Variants in WDR46 observed in about 807,000 individuals in gnomAD.
WDR46 encodes WD repeat-containing protein 46.
A neutral mutation model predicts 74.7 loss-of-function variants in WDR46; 58 were observed. That is an observed-to-expected ratio of 0.78 (90% CI 0.63 to 0.97). The LOEUF (loss-of-function observed/expected upper bound fraction) is 0.97, where lower values mean the gene tolerates loss of function less well. Ranked by LOEUF, WDR46 falls within the 50% of genes least tolerant of loss-of-function variation. The pLI, the probability that WDR46 is intolerant of heterozygous loss-of-function variation, is 0.00. For missense variants in WDR46, 702 were observed against 790.1 expected (o/e 0.89, Z 1.34); for synonymous variants, 278 against 297.3 (o/e 0.93, Z 0.67).
rs1298011607 is a variant in WDR46 at position 33,279,298 on chromosome 6, G to A, written c.1811C>T (p.Ala604Val). 3 of 1,614,112 alleles carry A rather than the reference G, an allele frequency of 1.9e-6. No homozygotes were observed. The highest frequency in any genetic ancestry group is 3.3e-5 in the Admixed American group (2 of 60,014). Residue 604 changes from alanine (A) to valine (V), a missense_variant, in exon 15 of 15, where the codon GCC (alanine) becomes GTC (valine). Ala to Val is a moderately conservative substitution (Grantham distance 64). Transcript: ENST00000374617. ...GGCTCAGCGCACAAATCTGTCCAGG[G>A]CAGATGGCCGGGCCCCCGTGGGCTT... Reference protein sequence around the residue: ...KAKPTGARPSALDRFVR With the variant: ...KAKPTGARPSVLDRFVR
chr6:33,287,241 C>G lies in WDR46; in HGVS notation c.880-15G>C. On this transcript the variant is annotated splice_polypyrimidine_tract_variant and intron_variant, in intron 8 of 14. Transcript: ENST00000374617. ...CCTGTTTCTGACTGAGAGAGAAAGA[C>G]AGAGAGAATGACCCAGTCCTGATTG... The G allele has an allele frequency of 6.2e-7, 1 of 1,613,464 alleles. No individual in the cohort carries two copies. The highest frequency in any genetic ancestry group is 8.5e-7 in the Non-Finnish European group (1 of 1,179,838).
chr6:33,289,180 C>T lies in WDR46; in HGVS notation c.-10G>A. The T allele has an allele frequency of 6.2e-7, 1 of 1,605,216 alleles. No individual in the cohort carries two copies. On this transcript the variant is annotated 5_prime_UTR_variant, in exon 1 of 15. Coordinates refer to ENST00000374617, the MANE Select transcript of WDR46 (RefSeq NM_005452.6). Reference sequence around the variant, plus strand: ...TGGGGGCTGTCTCCATCTCGCCCACCCGAACGGCGATCCACGTGCAAAACT... The same window carrying T: ...TGGGGGCTGTCTCCATCTCGCCCACTCGAACGGCGATCCACGTGCAAAACT...
intron 10 of WDR46, among the ~76,000 whole-genome samples, chr6:33,281,262 A>C (rs1766158188): frequency 6.6e-6 from 1 of 152,058 alleles, no homozygotes; most frequent in African/African-American, 2.4e-5. Context: ...TCTGCCTCTA[A>C]CCTGCTAACA....
Position 33,288,246 on chromosome 6 carries a change from G to C in WDR46, c.474-11C>G, listed in dbSNP as rs374413230. ...TCCCCTTCCAGAAACCTGAAAGCAA[G>C]GGTTAGGATGGCAGTAAAGCTTCCC... On this transcript the variant is annotated splice_polypyrimidine_tract_variant and intron_variant, in intron 4 of 14. Transcript: ENST00000374617. The C allele has an allele frequency of 6.2e-7, 1 of 1,614,174 alleles. No homozygotes were observed. The highest frequency in any genetic ancestry group is 8.5e-7 in the Non-Finnish European group (1 of 1,180,032).
chr6:33,288,701 G>C lies in WDR46; in HGVS notation c.280-7C>G. The C allele has an allele frequency of 6.2e-7, 1 of 1,613,274 alleles. No homozygotes were observed. The highest frequency in any genetic ancestry group is 8.5e-7 in the Non-Finnish European group (1 of 1,179,504). On this transcript the variant is annotated splice_region_variant and splice_polypyrimidine_tract_variant and intron_variant, in intron 2 of 14. Coordinates refer to ENST00000374617, the MANE Select transcript of WDR46 (RefSeq NM_005452.6). ...CTGGGAATGGATCTTGGGTCTAGGG[G>C]AAAGGAGGACGCAATTAGCAGACAG...
Position 33,287,169 on chromosome 6 carries a change from G to C in WDR46, c.937C>G (p.Leu313Val), listed in dbSNP as rs1766728636. 2 of 1,613,780 alleles carry C rather than the reference G, an allele frequency of 1.2e-6. No homozygotes were observed. The highest frequency in any genetic ancestry group is 1.3e-5 in the African/African-American group (1 of 74,820). ...DVSVGKIVAA[L>V]NARAGRLDVM... Reference sequence around the variant, plus strand: ...TCGAGCCGCCCAGCTCGAGCATTCAGAGCTGCCACAATCTTCCCCACTGAC... The same window carrying C: ...TCGAGCCGCCCAGCTCGAGCATTCACAGCTGCCACAATCTTCCCCACTGAC... The change falls in exon 9 of 15, where the codon CTG becomes GTG. Residue 313 changes from leucine to valine, a missense_variant. Physicochemically the swap from Leu to Val is conservative, Grantham distance 32. Transcript: ENST00000374617.
chr6:33,279,925 G>A (rs1188139779), intron 12 of WDR46, 66 bp from the exon 13 acceptor site: 1 of 1,528,648 alleles, frequency 6.5e-7, no homozygotes. Context: ...AAAAAGAGAA[G>A]CCAGGGAGGC....
intron 1 of WDR46, 30 bp from the exon 2 acceptor site, chr6:33,289,043 C>T (rs1767010197): frequency 6.2e-7 from 1 of 1,611,970 alleles, no homozygotes; most frequent in Non-Finnish European, 8.5e-7. Flanking sequence ...TCCGCACTCA[C>T]GCCCCGCCCC....
At position 33,280,989 on chromosome 6, in the gene WDR46, T is replaced by G; in HGVS notation, c.1116-2A>C. ...TCTAGGCCAGAGGTGGCCATGTACC[T>G]GGTGAGAGAAGAGGGATCAATTAAT... On this transcript the variant is annotated splice_acceptor_variant, in intron 10 of 14. Transcript: ENST00000374617. LOFTEE classifies it high-confidence loss of function. The G allele has an allele frequency of 6.3e-7, 1 of 1,595,440 alleles. No individual in the cohort carries two copies. Among genetic ancestry groups the G allele is most frequent in the Non-Finnish European group, 8.6e-7 (1 of 1,168,928 alleles).
chr6:33,281,537 T>TAGC (rs112322647), intron 10 of WDR46, among the ~76,000 whole-genome samples: 5,940 of 152,204 alleles, frequency 0.039, 249 homozygotes, highest in African/African-American at 0.1. Flanking sequence ...AGAGGTTTGT[T>TAGC]AGGATTGGTG....
At chr6:33,286,350 G>T (rs965981994) in intron 10 of WDR46, among the ~76,000 whole-genome samples, 10 of 152,086 alleles carry the variant, frequency 6.6e-5, no homozygotes, top group Non-Finnish European at 1.5e-5. Context: ...GAGAGGCCAA[G>T]GCAGGAGAAT....
Position 33,289,163 on chromosome 6 carries a change from G to T in WDR46, c.8C>A (p.Thr3Lys). The part of the protein sequence containing the change: ME[T>K]APKPGKDVPP... The stretch of plus-strand genomic sequence containing the variant: ...GACATCCTTGCCCGGCTTGGGGGCT[G>T]TCTCCATCTCGCCCACCCGAACGGC... The change falls in exon 1 of 15, where the codon ACA (threonine) becomes AAA (lysine). Residue 3 changes from threonine to lysine, a missense_variant. Thr to Lys is a moderately conservative substitution (Grantham distance 78, BLOSUM62 -1). Transcript: ENST00000374617. The T allele has an allele frequency of 4.3e-6, 7 of 1,611,902 alleles. No homozygotes were observed. Among genetic ancestry groups the T allele is most frequent in the Non-Finnish European group, 5.9e-6 (7 of 1,178,888 alleles).
Position 33,287,356 on chromosome 6 carries a change from G to A in WDR46, c.878C>T (p.Ala293Val), listed in dbSNP as rs779754254. 2.4e-5 allele frequency: 38 copies of A among 1,612,950 alleles called. No homozygotes were observed. Among genetic ancestry groups the A allele is most frequent in the Non-Finnish European group, 3.1e-5 (37 of 1,179,866 alleles). ...FLPFHFLLAT[A>V]SETGFLTYLD... The stretch of plus-strand genomic sequence containing the variant: ...TTCCTGAGCTCCATGGCCACTCACA[G>A]CTGTAGCCAGGAGGAAGTGGAAGGG... The change falls in exon 8 of 15, where the codon GCT becomes GTT. Residue 293 changes from alanine to valine, a missense_variant and splice_region_variant. Coordinates refer to ENST00000374617, the MANE Select transcript of WDR46 (RefSeq NM_005452.6).
Position 33,280,947 on chromosome 6 carries a change from A to G in WDR46, c.1156T>C (p.Phe386Leu). ...TSGLDHQLKI[F>L]DLRGTYQPLS... Reference sequence around the variant, plus strand: ...GGCTGGTACGTCCCTCGCAAGTCAAAGATCTTCAGCTGGTGGTCTAGGCCA... The same window carrying G: ...GGCTGGTACGTCCCTCGCAAGTCAAGGATCTTCAGCTGGTGGTCTAGGCCA... Residue 386 changes from phenylalanine (F) to leucine (L), a missense_variant, in exon 11 of 15, where the codon TTT (phenylalanine) becomes CTT (leucine). Physicochemically the swap from Phe to Leu is conservative, Grantham distance 22. Coordinates refer to ENST00000374617, the MANE Select transcript of WDR46 (RefSeq NM_005452.6). 1 of 1,613,314 alleles carries G rather than the reference A, an allele frequency of 6.2e-7. No homozygotes were observed. The highest frequency in any genetic ancestry group is 8.5e-7 in the Non-Finnish European group (1 of 1,179,500).
chr6:33,288,864 A>G lies in WDR46; in HGVS notation c.219T>C (p.Pro73=). Residue 73 remains proline (P), a synonymous_variant, in exon 2 of 15, where the codon CCT becomes CCC. Coordinates refer to ENST00000374617, the MANE Select transcript of WDR46 (RefSeq NM_005452.6). ...ILKKSRISKK[P]QVPKKPREWK... ...ATTCTCGGGGTTTCTTCGGGACCTG[A>G]GGCTTCTTAGAGATCCGAGACTTCT... The G allele has an allele frequency of 6.2e-7, 1 of 1,614,020 alleles. No homozygotes were observed. The highest frequency in any genetic ancestry group is 8.5e-7 in the Non-Finnish European group (1 of 1,180,006).
intron 13 of WDR46, 39 bp from the exon 14 acceptor site, chr6:33,279,649 G>A (rs1017469266): frequency 8.1e-6 from 13 of 1,613,378 alleles, no homozygotes; most frequent in East Asian, 6.7e-5. Flanking sequence ...TTACAGCCTC[G>A]GAGTCAGGGA....
intron 10 of WDR46, among the ~76,000 whole-genome samples, chr6:33,283,754 G>A (rs1015350052): frequency 2.6e-5 from 4 of 151,822 alleles, no homozygotes; most frequent in African/African-American, 2.4e-5. Context: ...ACAAAAATTA[G>A]CGCATGCAGT....
chr6:33,288,944 T>A lies in WDR46; in HGVS notation c.139A>T (p.Asn47Tyr), dbSNP rs1766991842. The change falls in exon 2 of 15, where the codon AAC (asparagine) becomes TAC (tyrosine). Residue 47 changes from asparagine (N) to tyrosine (Y), a missense_variant. Transcript: ENST00000374617. ...TAGASPGPPRNKKNRELRPQR... is the reference protein window; with the variant it reads ...TAGASPGPPRYKKNRELRPQR... ...GGACGGAGCTCCCGATTCTTCTTGT[T>A]ACGAGGAGGCCCTGGAGAGGCTCCG... The A allele has an allele frequency of 1.2e-6, 2 of 1,613,978 alleles. No homozygotes were observed. Among genetic ancestry groups the A allele is most frequent in the South Asian group, 2.2e-5 (2 of 91,076 alleles).
At position 33,288,210 on chromosome 6, in the gene WDR46, C is replaced by G; in HGVS notation, c.499G>C (p.Asp167His). ...PGFLEGEDGE[D>H]TAKICQADIV... is the part of the protein sequence containing the mutation. ...TCAGCCTGGCATATCTTTGCTGTGT[C>G]TTCCCCATCCTCCCCTTCCAGAAAC... The change falls in exon 5 of 15, where the codon GAC (aspartate) becomes CAC (histidine). Residue 167 changes from aspartate to histidine, a missense_variant. Coordinates refer to ENST00000374617, the MANE Select transcript of WDR46 (RefSeq NM_005452.6). 6.2e-7 allele frequency: 1 copy of G among 1,614,226 alleles called. No homozygotes were observed. Among genetic ancestry groups the G allele is most frequent in the South Asian group, 1.1e-5 (1 of 91,088 alleles).
Sources: gnomAD v4.1 joint callset for allele counts (sites outside exome capture counted in the v4.1 genomes callset) on GRCh38, gnomAD v4.1.1 for gene constraint, MANE v1.5 for transcripts, NCBI Gene and HGNC (gene_info 2026-07-23, HGNC 2026-07-21) for gene names.